Variants in ALG13 observed in about 807,000 individuals in gnomAD.
ALG13 encodes UDP-N-acetylglucosamine transferase subunit ALG13.
ALG13 carries 11 observed loss-of-function variants against 87.8 expected under a neutral mutation model. The ratio of observed to expected loss-of-function variants is 0.13; its 90% CI spans 0.08 to 0.21. The LOEUF is 0.21. ALG13 is among the 10% of genes least tolerant of loss of function. The probability of loss-of-function intolerance (pLI) is 1.00; values close to 1 mark genes in which losing one functional copy is unlikely to be tolerated. For missense variants in ALG13, 756 were observed against 866.1 expected, an observed-to-expected ratio of 0.87 and a Z score of 1.60; for synonymous variants, 320 against 306.3, an observed-to-expected ratio of 1.04 and a Z score of -0.47.
intron 25 of ALG13, among the ~76,000 whole-genome samples, chrX:111,755,745 A>G (rs1320057292): frequency 8.9e-6 from 1 of 112,572 alleles, no homozygotes; most frequent in African/African-American, 3.2e-5. Context: ...TAGAATGGCA[A>G]TCATTAAAAA....
intron 12 of ALG13, 66 bp downstream of exon 12, chrX:111,721,777 TGGTGA>T: frequency 3.2e-6 from 2 of 623,332 alleles, no homozygotes; most frequent in Non-Finnish European, 5.2e-6. Context: ...TTGCAAATTA[TGGTGA>T]ACATCTCTTA....
intron 23 of ALG13, 46 bp downstream of exon 23, chrX:111,736,925 C>T (rs1319108088): frequency 2.9e-6 from 3 of 1,046,837 alleles, no homozygotes; most frequent in Non-Finnish European, 2.6e-6. Flanking sequence ...TTTTCCTATT[C>T]ATGAACATGC....
intron 3 of ALG13, among the ~76,000 whole-genome samples, chrX:111,706,250 C>T (rs1256106344): frequency 2.7e-5 from 3 of 111,946 alleles, no homozygotes; most frequent in Admixed American, 9.4e-5. Context: ...AGGATAGTCT[C>T]GATCTCCTGA....
chrX:111,691,135 C>G (rs1219145634), intron 3 of ALG13, among the ~76,000 whole-genome samples: 2 of 111,307 alleles, frequency 1.8e-5, no homozygotes, highest in African/African-American at 6.6e-5. Context: ...AAGTCTCGCT[C>G]TGTCACCCAG....
At chrX:111,742,229 T>A (rs984056500) in intron 23 of ALG13, among the ~76,000 whole-genome samples, 1 of 111,394 alleles carries the variant, frequency 9.0e-6, no homozygotes, top group Admixed American at 9.6e-5. Flanking sequence ...CCCACTTTGT[T>A]CTTCATATGT....
Position 111,721,716 on chromosome X carries a change from A to G in ALG13, c.1435+5A>G, listed in dbSNP as rs5985638. The G allele has an allele frequency of 5.3e-6, 6 of 1,127,873 alleles. No homozygotes were observed. Among genetic ancestry groups the G allele is most frequent in the Non-Finnish European group, 7.3e-6 (6 of 824,912 alleles). The allele number at this position is 1,127,873 out of a possible 1,213,427, so 92.9% of individuals were successfully genotyped here. A position where few individuals can be genotyped will look rare whatever the true frequency, so the allele number is the denominator to read the frequency against. On this transcript the variant is annotated splice_donor_5th_base_variant and intron_variant, in intron 12 of 26. Transcript: ENST00000394780. ...TTTGGTTGGACAGCAGAAAAGGTAAAGAAATATCAACAGGATACTTTTGAA... is the reference window on the plus strand; with the variant it reads ...TTTGGTTGGACAGCAGAAAAGGTAAGGAAATATCAACAGGATACTTTTGAA...
At chrX:111,757,043 TGTA>T (rs1486139943) in intron 25 of ALG13, among the ~76,000 whole-genome samples, 1 of 111,955 alleles carries the variant, frequency 8.9e-6, no homozygotes, top group African/African-American at 3.2e-5. Flanking sequence ...TAGTGTCCAT[TGTA>T]GTACATTTTG....
At chrX:111,705,834 T>C (rs191925733) in intron 3 of ALG13, among the ~76,000 whole-genome samples, 2 of 111,322 alleles carry the variant, frequency 1.8e-5, no homozygotes, top group Non-Finnish European at 3.8e-5. Flanking sequence ...TTTGTCTTCC[T>C]GTCCCTACTT....
chrX:111,752,577 G>A (rs921852419), intron 24 of ALG13, among the ~76,000 whole-genome samples: 2 of 109,692 alleles, frequency 1.8e-5, no homozygotes, highest in Non-Finnish European at 3.8e-5. Flanking sequence ...CACCACGTCC[G>A]GCTAATTTTT....
chrX:111,703,663 A>T (rs1421915565), intron 3 of ALG13, among the ~76,000 whole-genome samples: 2 of 111,985 alleles, frequency 1.8e-5, no homozygotes, highest in Non-Finnish European at 3.8e-5. Context: ...TTCGCATGTT[A>T]CATTTGAGAT....
intron 23 of ALG13, among the ~76,000 whole-genome samples, chrX:111,737,574 A>G (rs771708846): frequency 8.9e-6 from 1 of 112,260 alleles, no homozygotes; most frequent in South Asian, 3.7e-4. Flanking sequence ...AGGTATCCCC[A>G]TGAACCCCAG....
chrX:111,727,173 C>A, intron 16 of ALG13, 118 bp downstream of exon 16: 1 of 970,520 alleles, frequency 1.0e-6, no homozygotes. Context: ...GACTGTATTT[C>A]ATTAATAATA....
rs1937015389 is a variant in ALG13, at chrX:111,696,747, T to C, written c.384-11280T>C. ...ATTGCAAAATTAAAGCCCATCAGTT[T>C]CATGACAAGTAAACTATGTTATTTA... On this transcript the variant is annotated intron_variant, in intron 3 of 26. Coordinates refer to ENST00000394780, the MANE Select transcript of ALG13 (RefSeq NM_001099922.3). 5.4e-5 allele frequency among the ~76,000 whole-genome samples: 6 copies of C among 111,811 alleles called. No homozygotes were observed. The South Asian group carries it at 2.2e-3, about 41-fold the overall frequency.
chrX:111,718,539 T>C (rs1163699105), intron 10 of ALG13, among the ~76,000 whole-genome samples: 4 of 111,736 alleles, frequency 3.6e-5, no homozygotes, highest in Non-Finnish European at 7.5e-5. Flanking sequence ...TCTCAAACTT[T>C]AGTTGTATAA....
chrX:111,682,900 G>A (rs774404413), intron 2 of ALG13, among the ~76,000 whole-genome samples: 1 of 111,871 alleles, frequency 8.9e-6, no homozygotes, highest in Admixed American at 9.4e-5. Flanking sequence ...TCAGAGGACC[G>A]CCCTGATGGT....
At chrX:111,714,625 C>T (rs749847615) in intron 8 of ALG13, among the ~76,000 whole-genome samples, 6 of 110,923 alleles carry the variant, frequency 5.4e-5, no homozygotes, top group African/African-American at 9.8e-5. Flanking sequence ...TTTTTCCCAA[C>T]GTTTTATTAT....
intron 3 of ALG13, among the ~76,000 whole-genome samples, chrX:111,694,323 G>T (rs1219084322): frequency 1.8e-5 from 2 of 111,549 alleles, no homozygotes; most frequent in African/African-American, 6.5e-5. Context: ...GGGATTACAG[G>T]CATGAGCCAC....
chrX:111,683,142 T>G (rs772030156), intron 2 of ALG13, among the ~76,000 whole-genome samples: 1 of 110,301 alleles, frequency 9.1e-6, no homozygotes, highest in Non-Finnish European at 1.9e-5. Context: ...TTTGTGTATA[T>G]TAACTTTACT....
Position 111,759,807 on chromosome X carries a change from T to C in ALG13, c.3222T>C (p.Tyr1074=), listed in dbSNP as rs1197035516. The C allele has an allele frequency of 7.4e-6, 9 of 1,210,663 alleles. No homozygotes were observed. Among genetic ancestry groups the C allele is most frequent in the Non-Finnish European group, 1.0e-5 (9 of 894,920 alleles). The change falls in exon 27 of 27, where the codon TAT becomes TAC. Residue 1074 remains tyrosine, a synonymous_variant. Coordinates refer to ENST00000394780, the MANE Select transcript of ALG13 (RefSeq NM_001099922.3). The part of the protein sequence containing the change: ...AVYYPVMSDP[Y]GQPPLPGFDS... ...ATTATCCAGTAATGTCAGATCCCTATGGGCAGCCACCTTTGCCAGGTTTTG... is the reference window on the plus strand; with the variant it reads ...ATTATCCAGTAATGTCAGATCCCTACGGGCAGCCACCTTTGCCAGGTTTTG...
Sources: allele counts gnomAD v4.1 joint callset (sites outside exome capture counted in the v4.1 genomes callset), GRCh38; gene constraint gnomAD v4.1.1; transcripts MANE v1.5; gene names NCBI Gene and HGNC (gene_info 2026-07-23, HGNC 2026-07-21).